SGSM2: variants seen among roughly 807,000 people sequenced by gnomAD.
The protein encoded by SGSM2 is small G protein signaling modulator 2.
SGSM2 carries 89 observed loss-of-function variants against 126.6 expected under a neutral mutation model. The ratio of observed to expected loss-of-function variants is 0.70; its 90% CI spans 0.59 to 0.84. The LOEUF (loss-of-function observed/expected upper bound fraction) is 0.84, where lower values mean the gene tolerates loss of function less well. Among genes scored for constraint, SGSM2 ranks in the 40% least tolerant of loss-of-function variants. The probability of loss-of-function intolerance (pLI) is 0.00; values close to 1 mark genes in which losing one functional copy is unlikely to be tolerated. For missense variants in SGSM2, 1,404 were observed against 1,416.6 expected (o/e 0.99, Z 0.14); for synonymous variants, 614 against 574.3 (o/e 1.07, Z -0.99).
chr17:2,377,206 C>A (rs2066206932), intron 21 of SGSM2, 138 bp downstream of exon 21: 2 of 630,896 alleles, frequency 3.2e-6, no homozygotes, highest in Non-Finnish European at 5.4e-6. Context: ...ATGGTTTCAG[C>A]AGGGCAACGT....
In SGSM2 at chr17:2,352,863, T is replaced by C. The variant is rs938264530; in HGVS notation, c.134-8774T>C. ...CGCGATCTCGGCTCACTGCAAGCTC[T>C]GCCTCCCGGGTTCACGCCATTCTCC... On this transcript the variant is annotated intron_variant, in intron 2 of 23. Transcript: ENST00000268989. Among the ~76,000 whole-genome samples the C allele has an allele frequency of 1.8e-4, 22 of 125,146 alleles. 3 individuals are homozygous for C. Among genetic ancestry groups the C allele is most frequent in the South Asian group, 9.0e-4 (3 of 3,316 alleles). The allele number at this position is 125,146 out of a possible 152,430, so 82.1% of individuals were successfully genotyped here.
intron 1 of SGSM2, among the ~76,000 whole-genome samples, chr17:2,340,860 A>G (rs1251186182): frequency 1.3e-5 from 2 of 152,246 alleles, no homozygotes; most frequent in Admixed American, 6.5e-5. Context: ...CTGGGATTAT[A>G]GTCGTGAGCC....
At chr17:2,365,818 C>A (rs2065550969) in intron 11 of SGSM2, among the ~76,000 whole-genome samples, 1 of 150,310 alleles carries the variant, frequency 6.7e-6, no homozygotes, top group Non-Finnish European at 1.5e-5. Context: ...GTGATCTCAG[C>A]TCACTGCAAC....
In SGSM2 at chr17:2,367,398, G is replaced by A. The variant is rs558020094; in HGVS notation, c.1416G>A (p.Pro472=). The A allele has an allele frequency of 2.1e-5, 34 of 1,613,632 alleles. 1 individual carries two copies. Among genetic ancestry groups the A allele is most frequent in the South Asian group, 1.5e-4 (14 of 91,050 alleles). Residue 472 remains proline, a synonymous_variant, in exon 12 of 24, where the codon CCG becomes CCA. Coordinates refer to ENST00000268989, the MANE Select transcript of SGSM2 (RefSeq NM_014853.3). The surrounding 1 kb of genome is among the most constrained non-coding windows in gnomAD (Gnocchi z 4.0). ...CGCGGAACCTCACAGCTCCCAATCC[G>A]ATGAAAGGTTCTTATCCCTCCCTCT... ...ICSRNLTAPN[P]MKDAGDMIEM...
chr17:2,347,378 A>C (rs1338110531), intron 2 of SGSM2, among the ~76,000 whole-genome samples: 6 of 149,298 alleles, frequency 4.0e-5, no homozygotes, highest in African/African-American at 1.5e-4. Context: ...AAGTGCTGGG[A>C]TTACAGGTGT....
At chr17:2,369,466 C>T (rs956016526) in intron 12 of SGSM2, among the ~76,000 whole-genome samples, 2 of 152,212 alleles carry the variant, frequency 1.3e-5, no homozygotes, top group Non-Finnish European at 2.9e-5. Context: ...GAGTCAGAGT[C>T]AAAGCTGACC....
intron 11 of SGSM2, among the ~76,000 whole-genome samples, chr17:2,366,104 C>G (rs1274542833): frequency 6.6e-6 from 1 of 152,176 alleles, no homozygotes; most frequent in Non-Finnish European, 1.5e-5. Context: ...GAGCCCTCCT[C>G]AAACCAACTA....
intron 1 of SGSM2, among the ~76,000 whole-genome samples, chr17:2,339,702 C>T (rs181004140): frequency 1.4e-5 from 2 of 142,716 alleles, no homozygotes; most frequent in African/African-American, 5.3e-5. Flanking sequence ...AGCAACACTC[C>T]ATCTCAAAAA....
chr17:2,351,949 C>T (rs2064872312), intron 2 of SGSM2, among the ~76,000 whole-genome samples: 1 of 152,104 alleles, frequency 6.6e-6, no homozygotes, highest in South Asian at 2.1e-4. Context: ...AGAAAATGCA[C>T]CCTAGTTACC....
rs1246904563 is a variant in SGSM2 at position 2,372,855 on chromosome 17, A to G, written c.1789-98A>G. On this transcript the variant is annotated intron_variant, in intron 15 of 23. Transcript: ENST00000268989. This position sits in a 1 kb window ranked among gnomAD's most constrained non-coding sequence, Gnocchi z 6.0. ...TTGCCTGGGCTTCAGCAGTCACTAC[A>G]GGCCCCGCCCCAGCCCATTCTCCGT... 2 of 1,479,474 alleles carry G rather than the reference A, an allele frequency of 1.4e-6. No individual in the cohort carries two copies. The highest frequency in any genetic ancestry group is 9.1e-7 in the Non-Finnish European group (1 of 1,104,226). 91.6% of individuals were successfully genotyped at this position (1,479,474 alleles called of 1,614,324 possible).
chr17:2,377,105 C>T (rs1394255148), intron 21 of SGSM2, 37 bp downstream of exon 21: 1 of 1,348,390 alleles, frequency 7.4e-7, no homozygotes, highest in Admixed American at 1.8e-5. Flanking sequence ...TGGGAGCAGG[C>T]AGTGCTGGGC....
rs918123644 is a variant in SGSM2, at chr17:2,372,009, A to G, written c.1578-181A>G. The G allele has an allele frequency of 1.0e-5, 7 of 684,796 alleles. No homozygotes were observed. The African/African-American group carries it at 1.3e-4, about 12-fold the overall frequency. 42.4% of individuals were successfully genotyped at this position (684,796 alleles called of 1,614,324 possible). On this transcript the variant is annotated intron_variant, in intron 13 of 23. Coordinates refer to ENST00000268989, the MANE Select transcript of SGSM2 (RefSeq NM_014853.3). This position sits in a 1 kb window ranked among gnomAD's most constrained non-coding sequence, Gnocchi z 6.0. ...GGGGGCCAGGCGGGGGCCCCACAGC[A>G]CTCTGTCCAGGTGGCAGGCAGGGAC...
chr17:2,367,889 T>G lies in SGSM2; in HGVS notation c.1423+484T>G, dbSNP rs1250286442. Among the ~76,000 whole-genome samples the G allele has an allele frequency of 6.6e-6, 1 of 152,148 alleles. No homozygotes were observed. Among genetic ancestry groups the G allele is most frequent in the Non-Finnish European group, 1.5e-5 (1 of 68,000 alleles). The stretch of plus-strand genomic sequence containing the variant: ...GTGGGTCAGGCGAGGGGTTGAGGGC[T>G]GCCATGCGAAGGGCCCCAGGGCTCA... On this transcript the variant is annotated intron_variant, in intron 12 of 23. Transcript: ENST00000268989. The surrounding 1 kb of genome is among the most constrained non-coding windows in gnomAD (Gnocchi z 4.0).
rs148921981 is a variant in SGSM2, at chr17:2,371,646, A to G, written c.1577+231A>G. 8.3e-4 allele frequency: 458 copies of G among 548,704 alleles called. 2 individuals are homozygous for G. Among genetic ancestry groups the G allele is most frequent in the East Asian group, 3.4e-3 (103 of 30,224 alleles). 34.0% of individuals were successfully genotyped at this position (548,704 alleles called of 1,614,324 possible). On this transcript the variant is annotated intron_variant, in intron 13 of 23. Coordinates refer to ENST00000268989, the MANE Select transcript of SGSM2 (RefSeq NM_014853.3). ...TCATCTGTAAAATGGGGATGATGCCACTTGCTGCCTGCAGTACTTATGAGG... is the reference window on the plus strand; with the variant it reads ...TCATCTGTAAAATGGGGATGATGCCGCTTGCTGCCTGCAGTACTTATGAGG...
At position 2,365,250 on chromosome 17, in the gene SGSM2, C is replaced by T. The variant is rs1319138207; in HGVS notation, c.1197C>T (p.Ser399=). 1.2e-6 allele frequency: 2 copies of T among 1,612,536 alleles called. No homozygotes were observed. Among genetic ancestry groups the T allele is most frequent in the Non-Finnish European group, 1.7e-6 (2 of 1,179,272 alleles). The change falls in exon 11 of 24, where the codon AGC becomes AGT. Residue 399 remains serine, a synonymous_variant. Transcript: ENST00000268989. ...TCCCCAAGCTACGGAAACGAAGCAG[C>T]ATTCGCTCCGTGGATATGGAGGAGA... ...KVFPKLRKRS[S]IRSVDMEEMG...
At chr17:2,375,988 G>A (rs2066127113) in intron 18 of SGSM2, 113 bp downstream of exon 18, 1 of 1,509,038 alleles carries the variant, frequency 6.6e-7, no homozygotes, top group African/African-American at 1.4e-5. Flanking sequence ...TGCCCTGGAA[G>A]GGAGTTCTGA....
chr17:2,372,177 G>A lies in SGSM2; in HGVS notation c.1578-13G>A, dbSNP rs1008130669. The A allele has an allele frequency of 6.2e-7, 1 of 1,613,210 alleles. No individual in the cohort carries two copies. Among genetic ancestry groups the A allele is most frequent in the East Asian group, 2.2e-5 (1 of 44,866 alleles). On this transcript the variant is annotated splice_polypyrimidine_tract_variant and intron_variant, in intron 13 of 23. Transcript: ENST00000268989. This position sits in a 1 kb window ranked among gnomAD's most constrained non-coding sequence, Gnocchi z 6.0. Reference sequence around the variant, plus strand: ...CCGCAGCCCCTCCCTGCTGAGCCCGGTTGTTGCCACAGGTTGCCGCTCAGG... The same window carrying A: ...CCGCAGCCCCTCCCTGCTGAGCCCGATTGTTGCCACAGGTTGCCGCTCAGG...
At chr17:2,358,881 T>TTTG (rs1567817482) in intron 2 of SGSM2, among the ~76,000 whole-genome samples, 38 of 149,136 alleles carry the variant, frequency 2.5e-4, no homozygotes, top group African/African-American at 4.2e-4. Context: ...TTGTTTTTTT[T>TTTG]TTTTTTTTTT....
At chr17:2,369,640 G>A (rs976012956) in intron 12 of SGSM2, among the ~76,000 whole-genome samples, 2 of 152,106 alleles carry the variant, frequency 1.3e-5, no homozygotes, top group African/African-American at 4.8e-5. Flanking sequence ...ACCTTGGCTG[G>A]GCCTCCTTTC....
Sources: gnomAD v4.1 joint callset for allele counts (sites outside exome capture counted in the v4.1 genomes callset) on GRCh38, gnomAD v4.1.1 for gene constraint, Gnocchi (gnomAD v3.1) non-coding constraint, MANE v1.5 for transcripts, NCBI Gene and HGNC (gene_info 2026-07-23, HGNC 2026-07-21) for gene names.